POU6F2: variants seen among roughly 807,000 people sequenced by gnomAD.
The protein encoded by POU6F2 is POU domain, class 6, transcription factor 2.
A neutral mutation model predicts 71.3 loss-of-function variants in POU6F2; 31 were observed. That is an observed-to-expected ratio of 0.43 (90% CI 0.33 to 0.59). POU6F2 has a LOEUF of 0.59. POU6F2 is among the 20% of genes least tolerant of loss of function. POU6F2 has a pLI of 0.04. For synonymous variants in POU6F2, 347 were observed against 355.7 expected, an observed-to-expected ratio of 0.98 and a Z score of 0.27; for missense variants, 783 against 856.8, an observed-to-expected ratio of 0.91 and a Z score of 1.07.
In POU6F2 at chr7:39,339,738, A is replaced by G; in HGVS notation, c.695A>G (p.Gln232Arg). 6 of 1,603,948 alleles carry G rather than the reference A, an allele frequency of 3.7e-6. No individual in the cohort carries two copies. The highest frequency in any genetic ancestry group is 5.1e-6 in the Non-Finnish European group (6 of 1,175,866). ...QQQQPPPSTN[Q>R]HPQPAPQAPS... Reference sequence around the variant, plus strand: ...CAGCAGCCTCCCCCGTCAACCAACCAGCACCCGCAACCAGCCCCACAGGCG... The same window carrying G: ...CAGCAGCCTCCCCCGTCAACCAACCGGCACCCGCAACCAGCCCCACAGGCG... Residue 232 changes from glutamine (Q) to arginine (R), a missense_variant, in exon 5 of 10, where the codon CAG becomes CGG. Physicochemically the swap from Gln to Arg is conservative, Grantham distance 43 (BLOSUM62 1). Around this residue, in one of 2 missense-constraint regions of POU6F2, gnomAD observed 572 missense variants for 572.9 expected, o/e 1.00. Transcript: ENST00000518318.
chr7:39,442,928 T>C (rs1788437757), intron 7 of POU6F2, among the ~76,000 whole-genome samples: 1 of 152,212 alleles, frequency 6.6e-6, no homozygotes, highest in African/African-American at 2.4e-5. Context: ...ATTGCAGCTC[T>C]AGTTTGGGAG....
At chr7:39,171,520 T>C (rs1427215877) in intron 2 of POU6F2, among the ~76,000 whole-genome samples, 3 of 152,198 alleles carry the variant, frequency 2.0e-5, no homozygotes, top group Admixed American at 2.0e-4. Flanking sequence ...CTCTCAGTAT[T>C]GTCTATCTTC....
At chr7:39,064,591 T>C (rs1002485937) in intron 1 of POU6F2, among the ~76,000 whole-genome samples, 6 of 151,672 alleles carry the variant, frequency 4.0e-5, no homozygotes, top group African/African-American at 1.2e-4. Context: ...CAAAAACAAC[T>C]GAGGTAATCA....
At chr7:39,037,882 C>T (rs933005096) in intron 1 of POU6F2, among the ~76,000 whole-genome samples, 2 of 151,980 alleles carry the variant, frequency 1.3e-5, no homozygotes, top group African/African-American at 2.4e-5. Context: ...AAACATCCCC[C>T]GACCATTTAC....
intron 4 of POU6F2, among the ~76,000 whole-genome samples, chr7:39,293,403 G>A (rs1429269316): frequency 6.6e-6 from 1 of 152,180 alleles, no homozygotes; most frequent in Non-Finnish European, 1.5e-5. Flanking sequence ...GAAGCGCTGC[G>A]GTAGAAAGAT....
At chr7:39,175,312 CA>C (rs1464806794) in intron 2 of POU6F2, among the ~76,000 whole-genome samples, 4 of 152,184 alleles carry the variant, frequency 2.6e-5, no homozygotes, top group Non-Finnish European at 4.4e-5. Context: ...GTAGGCACCT[CA>C]AACTAAGCAT....
chr7:39,025,992 T>C (rs1789791543), intron 1 of POU6F2, among the ~76,000 whole-genome samples: 1 of 152,150 alleles, frequency 6.6e-6, no homozygotes, highest in African/African-American at 2.4e-5. Flanking sequence ...AAAAGACACA[T>C]GAAACAATGC....
intron 4 of POU6F2, among the ~76,000 whole-genome samples, chr7:39,247,736 A>C (rs1317275326): frequency 6.6e-6 from 1 of 152,172 alleles, no homozygotes; most frequent in African/African-American, 2.4e-5. Context: ...AAGGAACTCC[A>C]GAAGTCACCC....
chr7:38,997,156 G>A (rs1478830208), intron 1 of POU6F2, among the ~76,000 whole-genome samples: 1 of 152,106 alleles, frequency 6.6e-6, no homozygotes. Flanking sequence ...CCTGCTCTGT[G>A]TTGACTTTGT....
chr7:39,231,178 A>C (rs2128750017), intron 4 of POU6F2, among the ~76,000 whole-genome samples: 1 of 152,314 alleles, frequency 6.6e-6, no homozygotes, highest in South Asian at 2.1e-4. Flanking sequence ...ACAAAGGGTA[A>C]AGAAGCCTAA....
At chr7:39,152,972 C>T (rs1166643082) in intron 2 of POU6F2, among the ~76,000 whole-genome samples, 1 of 152,126 alleles carries the variant, frequency 6.6e-6, no homozygotes, top group African/African-American at 2.4e-5. Context: ...TCCCAGGCTG[C>T]CTGTCACTTT....
At chr7:39,141,466 C>T (rs1444683121) in intron 2 of POU6F2, among the ~76,000 whole-genome samples, 1 of 152,142 alleles carries the variant, frequency 6.6e-6, no homozygotes, top group African/African-American at 2.4e-5. Context: ...AAGAGGCCAG[C>T]CTAAAGCTCT....
intron 2 of POU6F2, among the ~76,000 whole-genome samples, chr7:39,105,449 T>TG (rs1001562794): frequency 6.6e-6 from 1 of 151,272 alleles, no homozygotes; most frequent in African/African-American, 2.4e-5. Context: ...TTTTTTTTCC[T>TG]GGTTTTATCT....
intron 1 of POU6F2, among the ~76,000 whole-genome samples, chr7:39,014,373 C>T (rs994787563): frequency 6.6e-6 from 1 of 151,946 alleles, no homozygotes; most frequent in Non-Finnish European, 1.5e-5. Flanking sequence ...AGAGCAGATG[C>T]TATAACTATA....
intron 5 of POU6F2, among the ~76,000 whole-genome samples, chr7:39,341,294 G>A (rs1785912044): frequency 6.6e-6 from 1 of 152,146 alleles, no homozygotes; most frequent in African/African-American, 2.4e-5. Flanking sequence ...GAGTCATTGT[G>A]TTTTTCTGGG....
chr7:39,278,836 A>G (rs928647458), intron 4 of POU6F2, among the ~76,000 whole-genome samples: 4 of 152,144 alleles, frequency 2.6e-5, no homozygotes, highest in Admixed American at 6.5e-5. Flanking sequence ...CATCCTGCAT[A>G]TTGCCGTTCT....
intron 1 of POU6F2, among the ~76,000 whole-genome samples, chr7:39,073,364 G>A (rs1790926255): frequency 7.4e-6 from 1 of 134,394 alleles, no homozygotes; most frequent in African/African-American, 2.9e-5. Context: ...TGACGGAATG[G>A]GGAGAACCTA....
At chr7:39,081,456 T>A (rs1235169510) in intron 1 of POU6F2, among the ~76,000 whole-genome samples, 1 of 152,230 alleles carries the variant, frequency 6.6e-6, no homozygotes, top group Non-Finnish European at 1.5e-5. Flanking sequence ...GCAGAACTCT[T>A]TCATTGTAGA....
At chr7:39,314,350 A>G (rs917237032) in intron 4 of POU6F2, among the ~76,000 whole-genome samples, 1 of 152,160 alleles carries the variant, frequency 6.6e-6, no homozygotes, top group African/African-American at 2.4e-5. Flanking sequence ...TATGATCTTC[A>G]GGCAACTCCT....
Sources: allele counts gnomAD v4.1 joint callset (sites outside exome capture counted in the v4.1 genomes callset), GRCh38; gene constraint gnomAD v4.1.1; regional missense constraint gnomAD v4.1.1; transcripts MANE v1.5; gene names NCBI Gene and HGNC (gene_info 2026-07-23, HGNC 2026-07-21).